Variants in PPM1B observed in about 807,000 individuals in gnomAD.
PPM1B encodes the protein protein phosphatase 1B.
A neutral mutation model predicts 43.0 loss-of-function variants in PPM1B; 22 were observed. The ratio of observed to expected loss-of-function variants is 0.51; its 90% CI spans 0.37 to 0.73. The LOEUF (loss-of-function observed/expected upper bound fraction) is 0.73, where lower values mean the gene tolerates loss of function less well. Among genes scored for constraint, PPM1B ranks in the 30% least tolerant of loss-of-function variants. PPM1B has a pLI of 0.00. For synonymous variants in PPM1B, 217 were observed against 197.9 expected, an observed-to-expected ratio of 1.10 and a Z score of -0.81; for missense variants, 632 against 584.2, an observed-to-expected ratio of 1.08 and a Z score of -0.84.
chr2:44,219,503 T>C lies in PPM1B; in HGVS notation c.1134+966T>C, dbSNP rs1669875714. On this transcript the variant is annotated intron_variant, in intron 5 of 5. Transcript: ENST00000282412. The stretch of plus-strand genomic sequence containing the variant: ...TTCTTTTCCTTAACAGTAAAAGTTA[T>C]CCTGGCAAAAAGGAAAATTTAATAA... Among the ~76,000 whole-genome samples the C allele has an allele frequency of 2.6e-5, 4 of 152,222 alleles. No individual in the cohort carries two copies. The South Asian group carries it at 8.3e-4, about 32-fold the overall frequency.
At chr2:44,188,657 A>G (rs1668244862) in intron 1 of PPM1B, among the ~76,000 whole-genome samples, 1 of 151,028 alleles carries the variant, frequency 6.6e-6, no homozygotes, top group Admixed American at 6.6e-5. Flanking sequence ...CAGCCTTCCA[A>G]AGTGCTAGGA....
rs1668962829 is a variant in PPM1B at position 44,202,015 on chromosome 2, C to T, written c.816C>T (p.Cys272=). The stretch of plus-strand genomic sequence containing the variant: ...TATCTGATGACCTGGAAAATGTGTG[C>T]AATTGGGTAGTGGACACTTGTTTAC... ...LEVSDDLENV[C]NWVVDTCLHK... Residue 272 remains cysteine (C), a synonymous_variant, in exon 2 of 6, where the codon TGC becomes TGT. Coordinates refer to ENST00000282412, the MANE Select transcript of PPM1B (RefSeq NM_002706.6). 1 of 1,603,840 alleles carries T rather than the reference C, an allele frequency of 6.2e-7. No individual in the cohort carries two copies. Among genetic ancestry groups the T allele is most frequent in the Non-Finnish European group, 8.5e-7 (1 of 1,174,788 alleles).
intron 1 of PPM1B, among the ~76,000 whole-genome samples, chr2:44,177,188 C>G (rs951076053): frequency 1.4e-4 from 21 of 152,118 alleles, no homozygotes; most frequent in African/African-American, 5.1e-4. Flanking sequence ...GTAATTCAGA[C>G]CAGATTCATT....
intron 1 of PPM1B, among the ~76,000 whole-genome samples, chr2:44,189,247 A>T (rs1015702287): frequency 1.3e-5 from 2 of 152,136 alleles, no homozygotes; most frequent in African/African-American, 2.4e-5. Flanking sequence ...TAGAGAATTC[A>T]TCTTAAGTTT....
intron 2 of PPM1B, among the ~76,000 whole-genome samples, chr2:44,208,238 GAAATA>G: frequency 6.6e-6 from 1 of 152,246 alleles, no homozygotes; most frequent in African/African-American, 2.4e-5. Context: ...TTAAAAGGGA[GAAATA>G]AAATATGTCC....
Position 44,231,451 on chromosome 2 carries a change from G to A in PPM1B, c.*733G>A. ...TTATAAGTGTTTAAGTCCAAATAAA[G>A]CATGTGATGTGGAATAATCTATGCA... On this transcript the variant is annotated 3_prime_UTR_variant, in exon 6 of 6. Coordinates refer to ENST00000282412, the MANE Select transcript of PPM1B (RefSeq NM_002706.6). 1.0e-6 allele frequency: 1 copy of A among 975,648 alleles called. No individual in the cohort carries two copies. Among genetic ancestry groups the A allele is most frequent in the Non-Finnish European group, 1.2e-6 (1 of 821,034 alleles). 60.4% of individuals were successfully genotyped at this position (975,648 alleles called of 1,614,324 possible). A position where few individuals can be genotyped will look rare whatever the true frequency, so the allele number is the denominator to read the frequency against.
chr2:44,207,467 C>G (rs965006109), intron 2 of PPM1B, among the ~76,000 whole-genome samples: 1 of 152,174 alleles, frequency 6.6e-6, no homozygotes, highest in African/African-American at 2.4e-5. Flanking sequence ...GTTTCATCTG[C>G]TCCTGCTCTT....
downstream of PPM1B, among the ~76,000 whole-genome samples, chr2:44,238,136 T>C (rs1441157880): frequency 6.6e-6 from 1 of 151,878 alleles, no homozygotes; most frequent in Non-Finnish European, 1.5e-5. Flanking sequence ...CTCCTGACCT[T>C]GGGTGATCCG....
intron 1 of PPM1B, among the ~76,000 whole-genome samples, chr2:44,171,284 A>C (rs1419156651): frequency 6.6e-6 from 1 of 152,206 alleles, no homozygotes; most frequent in Non-Finnish European, 1.5e-5. Flanking sequence ...AATTCACCTA[A>C]TTACTAAATT....
At chr2:44,172,850 C>T (rs1024611230) in intron 1 of PPM1B, among the ~76,000 whole-genome samples, 15 of 152,094 alleles carry the variant, frequency 9.9e-5, no homozygotes, top group African/African-American at 3.6e-4. Flanking sequence ...AAAGCTGCAG[C>T]GAGCTGTGAT....
At chr2:44,227,878 C>G (rs558020495) in intron 5 of PPM1B, among the ~76,000 whole-genome samples, 1 of 151,196 alleles carries the variant, frequency 6.6e-6, no homozygotes, top group Non-Finnish European at 1.5e-5. Context: ...ACCACCACCC[C>G]GTCTGAGGCA....
intron 1 of PPM1B, among the ~76,000 whole-genome samples, chr2:44,189,946 A>C (rs1572699414): frequency 6.6e-6 from 1 of 151,996 alleles, no homozygotes; most frequent in East Asian, 1.9e-4. Flanking sequence ...GTTGGGAGGG[A>C]TTAGAGATAA....
chr2:44,205,878 CAT>C (rs1669168012), intron 2 of PPM1B, among the ~76,000 whole-genome samples: 1 of 152,100 alleles, frequency 6.6e-6, no homozygotes, highest in African/African-American at 2.4e-5. Context: ...ATTTATATAA[CAT>C]AGAAAATGTA....
At chr2:44,170,555 A>G (rs558498290) in intron 1 of PPM1B, among the ~76,000 whole-genome samples, 1 of 152,376 alleles carries the variant, frequency 6.6e-6, no homozygotes, top group East Asian at 1.9e-4. Flanking sequence ...TAAATTGTTC[A>G]GAGTAGACAG....
rs1041779803 is a variant in PPM1B, at chr2:44,217,982, C to A, written c.980C>A (p.Ser327Tyr). Residue 327 changes from serine (S) to tyrosine (Y), a missense_variant, in exon 4 of 6, where the codon TCT (serine) becomes TAT (tyrosine). This residue lies in a region of PPM1B where 392 missense variants were observed against 302.7 expected (regional missense o/e 1.29). Transcript: ENST00000282412. ...AAACCTACAGAGATTATGGAGAAGTCTGGCGAGGAAGGAATGCCTGATCTT... is the reference window on the plus strand; with the variant it reads ...AAACCTACAGAGATTATGGAGAAGTATGGCGAGGAAGGAATGCCTGATCTT... Reference protein sequence around the residue: ...ESRVEEIMEKSGEEGMPDLAH... With the variant: ...ESRVEEIMEKYGEEGMPDLAH... 6.2e-7 allele frequency: 1 copy of A among 1,603,022 alleles called. No individual in the cohort carries two copies. The highest frequency in any genetic ancestry group is 1.3e-5 in the African/African-American group (1 of 74,346).
chr2:44,226,002 G>A (rs1670193513), intron 5 of PPM1B, among the ~76,000 whole-genome samples: 1 of 146,326 alleles, frequency 6.8e-6, no homozygotes, highest in African/African-American at 2.6e-5. Flanking sequence ...TTGAGAGAGA[G>A]TCTTGCTCTG....
downstream of PPM1B, among the ~76,000 whole-genome samples, chr2:44,236,784 A>T (rs139397001): frequency 6.8e-4 from 103 of 152,284 alleles, no homozygotes; most frequent in African/African-American, 2.2e-3. Flanking sequence ...ATTTAAGGTT[A>T]TATTTTTTAA....
chr2:44,224,668 A>G (rs1670134573), intron 5 of PPM1B, among the ~76,000 whole-genome samples: 1 of 147,924 alleles, frequency 6.8e-6, no homozygotes, highest in South Asian at 2.2e-4. Flanking sequence ...TTCGACTTTT[A>G]AGCTATGTTA....
chr2:44,217,918 G>A, intron 3 of PPM1B, 49 bp from the exon 4 acceptor site: 3 of 1,226,834 alleles, frequency 2.4e-6, no homozygotes, highest in Non-Finnish European at 2.3e-6. Flanking sequence ...TTCTTGGTGA[G>A]TACTGGCTTA....
Sources: allele counts gnomAD v4.1 joint callset (sites outside exome capture counted in the v4.1 genomes callset), GRCh38; gene constraint gnomAD v4.1.1; regional missense constraint gnomAD v4.1.1; transcripts MANE v1.5; gene names NCBI Gene and HGNC (gene_info 2026-07-23, HGNC 2026-07-21).